CSMD1: variants seen among roughly 807,000 people sequenced by gnomAD.
CSMD1 encodes CUB and Sushi multiple domains 1.
A neutral mutation model predicts 417.5 loss-of-function variants in CSMD1; 213 were observed. The observed-to-expected ratio is 0.51, with a 90% CI of 0.46 to 0.57. CSMD1 has a LOEUF of 0.57. Ranked by LOEUF, CSMD1 falls within the 20% of genes least tolerant of loss-of-function variation. CSMD1 has a pLI of 0.00. For missense variants in CSMD1, 6,923 were observed against 4,529.7 expected (o/e 1.53, Z -15.17); for synonymous variants, 2,862 against 1,736.8 (o/e 1.65, Z -16.11).
At chr8:4,274,145 A>G (rs1796329300) in intron 3 of CSMD1, among the ~76,000 whole-genome samples, 1 of 152,138 alleles carries the variant, frequency 6.6e-6, no homozygotes. Context: ...TGACTCTAAT[A>G]CTCACTAATG....
intron 1 of CSMD1, among the ~76,000 whole-genome samples, chr8:4,724,079 A>G (rs1186499925): frequency 6.6e-6 from 1 of 152,190 alleles, no homozygotes; most frequent in Non-Finnish European, 1.5e-5. Context: ...AACAATCTAT[A>G]TGCACTTAAG....
At chr8:3,069,893 A>C (rs975486012) in intron 49 of CSMD1, among the ~76,000 whole-genome samples, 2 of 151,946 alleles carry the variant, frequency 1.3e-5, no homozygotes, top group African/African-American at 4.8e-5. Context: ...TTTCATACAT[A>C]CTCCAAAATC....
At chr8:4,903,388 G>A (rs1365424907) in intron 1 of CSMD1, among the ~76,000 whole-genome samples, 2 of 152,146 alleles carry the variant, frequency 1.3e-5, no homozygotes, top group East Asian at 1.9e-4. Flanking sequence ...GAAGCTTCAT[G>A]TCTTTAAAAC....
intron 2 of CSMD1, among the ~76,000 whole-genome samples, chr8:4,626,710 C>G (rs148798967): frequency 6.6e-6 from 1 of 152,032 alleles, no homozygotes; most frequent in East Asian, 1.9e-4. Flanking sequence ...TCTCCCCATC[C>G]TGACCTACCC....
rs191486837 is a variant in CSMD1, at chr8:4,861,848, C to T, written c.85+132484G>A. On this transcript the variant is annotated intron_variant, in intron 1 of 69. Coordinates refer to ENST00000635120, the MANE Select transcript of CSMD1 (RefSeq NM_033225.6). ...TTGATTTCATAATATGTGTGAGAAA[C>T]AATGGTTAGTTCTCAAGAAGCAGAG... Among the ~76,000 whole-genome samples, 28 of 152,098 alleles carry T rather than the reference C, an allele frequency of 1.8e-4. 1 individual carries two copies. In the East Asian group the frequency reaches 5.4e-3, roughly 29 times the overall value.
intron 5 of CSMD1, among the ~76,000 whole-genome samples, chr8:3,905,659 C>T (rs1320009918): frequency 1.3e-5 from 2 of 152,212 alleles, no homozygotes; most frequent in African/African-American, 4.8e-5. Flanking sequence ...AATGCTCATA[C>T]TGCCAGTCCA....
intron 2 of CSMD1, among the ~76,000 whole-genome samples, chr8:4,636,640 A>G (rs1802829051): frequency 6.6e-6 from 1 of 152,230 alleles, no homozygotes; most frequent in Non-Finnish European, 1.5e-5. Context: ...TACCTTGACA[A>G]CTCTGTTTCA....
chr8:4,143,895 T>C (rs989676603), intron 3 of CSMD1, among the ~76,000 whole-genome samples: 1 of 151,094 alleles, frequency 6.6e-6, no homozygotes, highest in Non-Finnish European at 1.5e-5. Context: ...ATTTGGTCCC[T>C]GGCTAATTAA....
At chr8:3,817,234 T>G (rs1801426421) in intron 5 of CSMD1, among the ~76,000 whole-genome samples, 3 of 120,886 alleles carry the variant, frequency 2.5e-5, no homozygotes, top group Non-Finnish European at 3.5e-5. Context: ...AAATCCAAAG[T>G]GGTCATATCT....
rs560491105 is a variant in CSMD1 at position 4,190,337 on chromosome 8, G to T, written c.416-158238C>A. ...CTAAGCCCTATCACTGAAGTTAGGG[G>T]CCAGTTAACTTCTAACAGCCTCAGT... is the stretch of plus-strand genomic sequence containing the variant. On this transcript the variant is annotated intron_variant, in intron 3 of 69. Coordinates refer to ENST00000635120, the MANE Select transcript of CSMD1 (RefSeq NM_033225.6). 3.3e-5 allele frequency among the ~76,000 whole-genome samples: 5 copies of T among 151,630 alleles called. No homozygotes were observed. The East Asian group carries it at 9.7e-4, about 29-fold the overall frequency.
intron 1 of CSMD1, among the ~76,000 whole-genome samples, chr8:4,956,913 G>C (rs1056275588): frequency 5.3e-5 from 8 of 152,048 alleles, no homozygotes; most frequent in Non-Finnish European, 1.0e-4. Context: ...TCTCATTTTT[G>C]TCCACATTCA....
chr8:3,475,826 T>A (rs1293590201), intron 11 of CSMD1, among the ~76,000 whole-genome samples: 4 of 152,230 alleles, frequency 2.6e-5, no homozygotes, highest in Non-Finnish European at 4.4e-5. Context: ...CTAGGGCACT[T>A]TGTGAGTACC....
chr8:3,310,425 A>T (rs1566748), intron 23 of CSMD1, among the ~76,000 whole-genome samples: 20,600 of 152,220 alleles, frequency 0.14, 1,531 homozygotes, highest in Middle Eastern at 0.17. Context: ...GACCACCAGC[A>T]AACTAGAGGC....
At chr8:2,951,044 C>A in intron 66 of CSMD1, 70 bp downstream of exon 66, 1 of 1,494,284 alleles carries the variant, frequency 6.7e-7, no homozygotes, top group Non-Finnish European at 9.1e-7. Flanking sequence ...TACTAGATCA[C>A]CTCTCTGTGA....
At chr8:4,942,882 A>G (rs1301074506) in intron 1 of CSMD1, among the ~76,000 whole-genome samples, 1 of 152,228 alleles carries the variant, frequency 6.6e-6, no homozygotes, top group Non-Finnish European at 1.5e-5. Context: ...ATTCTATGAA[A>G]GCTTTTTGGA....
At chr8:3,567,704 C>T (rs1227807323) in intron 10 of CSMD1, among the ~76,000 whole-genome samples, 1 of 152,054 alleles carries the variant, frequency 6.6e-6, no homozygotes, top group African/African-American at 2.4e-5. Flanking sequence ...TGGTTATTTC[C>T]CCTCTCTGAA....
intron 40 of CSMD1, among the ~76,000 whole-genome samples, chr8:3,150,479 C>G (rs1819127930): frequency 6.6e-6 from 1 of 152,194 alleles, no homozygotes. Flanking sequence ...ACTGCTCACT[C>G]CTACTGCTAC....
intron 37 of CSMD1, among the ~76,000 whole-genome samples, chr8:3,171,471 G>T (rs974703412): frequency 1.3e-5 from 2 of 152,142 alleles, no homozygotes; most frequent in Non-Finnish European, 1.5e-5. Context: ...AGTATGACAG[G>T]ACTGAGGTTT....
At chr8:4,625,294 G>C (rs554625438) in intron 2 of CSMD1, among the ~76,000 whole-genome samples, 66 of 152,190 alleles carry the variant, frequency 4.3e-4, no homozygotes, top group African/African-American at 1.4e-3. Context: ...TAGCTGAAAA[G>C]AGTGATGGAA....
Sources: allele counts gnomAD v4.1 joint callset (sites outside exome capture counted in the v4.1 genomes callset), GRCh38; gene constraint gnomAD v4.1.1; transcripts MANE v1.5; gene names NCBI Gene and HGNC (gene_info 2026-07-23, HGNC 2026-07-21).